The following MACROD2 variants were observed in gnomAD, a reference collection of about 807,000 sequenced individuals.
MACROD2 encodes mono-ADP ribosylhydrolase 2, also known as ADP-ribose glycohydrolase MACROD2.
In MACROD2, 36 loss-of-function variants were observed where a neutral mutation model predicts 70.4. That is an observed-to-expected ratio of 0.51 (90% confidence interval 0.39 to 0.68). The LOEUF (loss-of-function observed/expected upper bound fraction) is 0.68, where lower values mean the gene tolerates loss of function less well. Ranked by LOEUF, MACROD2 falls within the 30% of genes least tolerant of loss-of-function variation. The pLI is 0.00. For synonymous variants in MACROD2, 172 were observed against 178.8 expected, an observed-to-expected ratio of 0.96 and a Z score of 0.30; for missense variants, 496 against 538.4, an observed-to-expected ratio of 0.92 and a Z score of 0.78.
chr20:15,669,601 T>TC (rs1380661614), intron 8 of MACROD2, among the ~76,000 whole-genome samples: 1 of 152,236 alleles, frequency 6.6e-6, no homozygotes, highest in Non-Finnish European at 1.5e-5. Context: ...TTAAGCCTAA[T>TC]ATATGATCCT....
intron 3 of MACROD2, among the ~76,000 whole-genome samples, chr20:14,258,039 C>T (rs1417587019): frequency 2.0e-5 from 3 of 152,148 alleles, no homozygotes; most frequent in Non-Finnish European, 2.9e-5. Flanking sequence ...TCCAATTCCA[C>T]CCAGGTTGCT....
chr20:14,491,358 A>G (rs943477184), intron 3 of MACROD2, among the ~76,000 whole-genome samples: 4 of 152,206 alleles, frequency 2.6e-5, no homozygotes, highest in East Asian at 3.9e-4. Context: ...TTGGATTTAT[A>G]GTTATCGGAA....
At chr20:14,188,237 G>C (rs2081359910) in intron 3 of MACROD2, among the ~76,000 whole-genome samples, 1 of 151,998 alleles carries the variant, frequency 6.6e-6, no homozygotes, top group Non-Finnish European at 1.5e-5. Context: ...TAAATCCTAG[G>C]AATATCCAGT....
At chr20:15,762,292 C>A (rs1402230226) in intron 8 of MACROD2, among the ~76,000 whole-genome samples, 1 of 152,116 alleles carries the variant, frequency 6.6e-6, no homozygotes, top group South Asian at 2.1e-4. Flanking sequence ...AAAGTAAGGA[C>A]AAGGCAGGTG....
intron 5 of MACROD2, among the ~76,000 whole-genome samples, chr20:15,152,495 A>AAGAGGTTG (rs1351354651): frequency 6.9e-6 from 1 of 144,494 alleles, no homozygotes; most frequent in Non-Finnish European, 1.5e-5. Flanking sequence ...ATAAGAGGTT[A>AAGAGGTTG]GGGCATGGAA....
At chr20:14,642,795 T>C (rs1449693468) in intron 4 of MACROD2, among the ~76,000 whole-genome samples, 2 of 152,034 alleles carry the variant, frequency 1.3e-5, no homozygotes, top group South Asian at 2.1e-4. Context: ...GAGATCACTA[T>C]AACAGATACA....
chr20:14,796,557 C>G (rs1001238043), intron 5 of MACROD2, among the ~76,000 whole-genome samples: 4 of 152,018 alleles, frequency 2.6e-5, no homozygotes, highest in African/African-American at 9.7e-5. Context: ...TATCGGAGGG[C>G]AAGCTGAATT....
chr20:14,777,873 A>G (rs1454552714), intron 5 of MACROD2, among the ~76,000 whole-genome samples: 1 of 152,108 alleles, frequency 6.6e-6, no homozygotes, highest in East Asian at 1.9e-4. Flanking sequence ...AAAAATGGGT[A>G]ATAAATATGA....
rs540307446 is a variant in MACROD2, at chr20:15,753,003, A to G, written c.646-109742A>G. ...ATATGTATAGATTATACACATACAT[A>G]TATACTTTGTAAATGAGAAATTTAT... On this transcript the variant is annotated intron_variant, in intron 8 of 17. Transcript: ENST00000684519. Among the ~76,000 whole-genome samples, 360 of 152,348 alleles carry G rather than the reference A, an allele frequency of 2.4e-3. 1 individual carries two copies. Among genetic ancestry groups the G allele is most frequent in the African/African-American group, 8.3e-3 (345 of 41,582 alleles).
intron 8 of MACROD2, among the ~76,000 whole-genome samples, chr20:15,800,001 A>C (rs79208054): frequency 0.075 from 11,424 of 151,492 alleles, 986 homozygotes; most frequent in East Asian, 0.3. Flanking sequence ...GTAGTGGTAT[A>C]TTATTGTGGT....
intron 8 of MACROD2, among the ~76,000 whole-genome samples, chr20:15,635,278 G>A (rs2049346314): frequency 1.3e-5 from 2 of 152,238 alleles, no homozygotes; most frequent in Admixed American, 1.3e-4. Flanking sequence ...TTGAGGATCA[G>A]TGAGATAACT....
chr20:15,818,631 G>A (rs1480523353), intron 8 of MACROD2, among the ~76,000 whole-genome samples: 1 of 152,092 alleles, frequency 6.6e-6, no homozygotes, highest in African/African-American at 2.4e-5. Context: ...CTCATCCTGT[G>A]ATTTAGAATG....
intron 4 of MACROD2, among the ~76,000 whole-genome samples, chr20:14,570,847 C>T (rs1445266433): frequency 6.6e-6 from 1 of 151,926 alleles, no homozygotes; most frequent in African/African-American, 2.4e-5. Context: ...GAATAATGGT[C>T]AGTTCAAAAG....
intron 15 of MACROD2, among the ~76,000 whole-genome samples, chr20:15,996,912 T>C (rs571527281): frequency 5.9e-5 from 9 of 152,282 alleles, no homozygotes; most frequent in Non-Finnish European, 1.2e-4. Context: ...TTTTATTCTT[T>C]TCTATGTGGG....
chr20:14,247,527 T>C (rs1282519587), intron 3 of MACROD2, among the ~76,000 whole-genome samples: 1 of 152,238 alleles, frequency 6.6e-6, no homozygotes, highest in African/African-American at 2.4e-5. Flanking sequence ...TATTTGGAGA[T>C]AGAGTTTTAA....
intron 8 of MACROD2, among the ~76,000 whole-genome samples, chr20:15,507,169 C>T (rs915827508): frequency 6.6e-6 from 1 of 152,156 alleles, no homozygotes; most frequent in African/African-American, 2.4e-5. Flanking sequence ...TTTTGCTCTT[C>T]AAGAACACTG....
At chr20:14,371,472 A>G (rs369568356) in intron 3 of MACROD2, among the ~76,000 whole-genome samples, 1 of 152,202 alleles carries the variant, frequency 6.6e-6, no homozygotes, top group Non-Finnish European at 1.5e-5. Flanking sequence ...GCTGAGTGAC[A>G]GAGTGAGACT....
chr20:15,286,962 G>GAC (rs2077497448), intron 6 of MACROD2, among the ~76,000 whole-genome samples: 2 of 150,448 alleles, frequency 1.3e-5, no homozygotes, highest in Non-Finnish European at 3.0e-5. Context: ...TTTTTATTTA[G>GAC]AAAAAAAAAG....
chr20:15,890,802 G>A (rs2147219138), intron 10 of MACROD2, among the ~76,000 whole-genome samples: 1 of 152,214 alleles, frequency 6.6e-6, no homozygotes, highest in East Asian at 1.9e-4. Flanking sequence ...CCATAGCTCT[G>A]TAATGTAATT....
Sources: gnomAD v4.1 joint callset for allele counts (sites outside exome capture counted in the v4.1 genomes callset) on GRCh38, gnomAD v4.1.1 for gene constraint, MANE v1.5 for transcripts, NCBI Gene and HGNC (gene_info 2026-07-23, HGNC 2026-07-21) for gene names.